Variants in PCLO observed in about 807,000 individuals in gnomAD.
PCLO encodes protein piccolo.
PCLO carries 82 observed loss-of-function variants against 427.5 expected under a neutral mutation model. The observed-to-expected ratio is 0.19, with a 90% CI of 0.16 to 0.23. The LOEUF (loss-of-function observed/expected upper bound fraction) is 0.23. Among genes scored for constraint, PCLO ranks in the 10% least tolerant of loss-of-function variants. PCLO has a pLI of 1.00. For synonymous variants in PCLO, 2,357 were observed against 2,155.4 expected (o/e 1.09, Z -2.59); for missense variants, 6,239 against 6,115.9 (o/e 1.02, Z -0.67).
intron 3 of PCLO, among the ~76,000 whole-genome samples, chr7:82,981,280 G>T (rs1186021834): frequency 6.6e-6 from 1 of 151,448 alleles, no homozygotes; most frequent in Non-Finnish European, 1.5e-5. Context: ...GAATACAGAG[G>T]GTACTTAGGC....
chr7:82,823,232 T>C lies in PCLO; in HGVS notation c.14597-543A>G, dbSNP rs79770789. 2.6e-5 allele frequency among the ~76,000 whole-genome samples: 4 copies of C among 152,232 alleles called. No individual in the cohort carries two copies. In the East Asian group the frequency reaches 7.7e-4, roughly 29 times the overall value. ...ATGGCTAAGTGGAACCCATAAATGA[T>C]CTATAAAACTCATTCATAAATAATC... On this transcript the variant is annotated intron_variant, in intron 19 of 24. Coordinates refer to ENST00000333891, the MANE Select transcript of PCLO (RefSeq NM_033026.6).
At position 82,862,885 on chromosome 7, in the gene PCLO, G is replaced by A. The variant is rs912123503; in HGVS notation, c.13655-15638C>T. On this transcript the variant is annotated intron_variant, in intron 10 of 24. Transcript: ENST00000333891. ...GTAGTAGGGAGTTGGAGGGAAGGTG[G>A]GGATGGTTAAAGGGTACAAAAAATA... Among the ~76,000 whole-genome samples, 4 of 151,914 alleles carry A rather than the reference G, an allele frequency of 2.6e-5. No individual in the cohort carries two copies. The South Asian group carries it at 6.2e-4, about 24-fold the overall frequency.
At chr7:82,934,945 C>G (rs1794916744) in intron 6 of PCLO, among the ~76,000 whole-genome samples, 1 of 151,232 alleles carries the variant, frequency 6.6e-6, no homozygotes, top group Non-Finnish European at 1.5e-5. Context: ...AATAGTATCA[C>G]TCAAAGTTCC....
intron 20 of PCLO, among the ~76,000 whole-genome samples, chr7:82,810,156 T>C (rs1292046546): frequency 6.6e-6 from 1 of 151,600 alleles, no homozygotes; most frequent in African/African-American, 2.4e-5. Context: ...TTTTTTATGT[T>C]ATTGAGGGAA....
rs766623004 is a variant in PCLO at position 83,093,477 on chromosome 7, GATAT to G, written c.3300+40769_3300+40772del. ...AAACATATATATGTGTGTGTGTATA[GATAT>G]ATATATATATATTTTTTTTTTTTTT... On this transcript the variant is annotated intron_variant, in intron 3 of 24. Coordinates refer to ENST00000333891, the MANE Select transcript of PCLO (RefSeq NM_033026.6). Among the ~76,000 whole-genome samples the G allele has an allele frequency of 4.3e-3, 393 of 92,134 alleles. 12 individuals carry two copies. The highest frequency in any genetic ancestry group is 0.018 in the Middle Eastern group (3 of 166). 60.4% of individuals were successfully genotyped at this position (92,134 alleles called of 152,430 possible).
intron 3 of PCLO, among the ~76,000 whole-genome samples, chr7:82,993,643 C>CTT (rs1255396112): frequency 3.3e-5 from 5 of 151,834 alleles, no homozygotes; most frequent in African/African-American, 1.2e-4. Flanking sequence ...TGATTGCACA[C>CTT]TTAATAGACT....
chr7:82,773,042 A>T (rs1269231599), intron 22 of PCLO, among the ~76,000 whole-genome samples: 1 of 152,134 alleles, frequency 6.6e-6, no homozygotes, highest in Non-Finnish European at 1.5e-5. Flanking sequence ...CCTTCCAGAA[A>T]GCAGTCAAGC....
chr7:82,922,771 C>A (rs1430270918), intron 6 of PCLO, among the ~76,000 whole-genome samples: 1 of 151,836 alleles, frequency 6.6e-6, no homozygotes, highest in Admixed American at 6.6e-5. Flanking sequence ...ACTACCTCAT[C>A]TTTTGCTAAA....
chr7:82,854,788 G>T (rs538304031), intron 10 of PCLO, among the ~76,000 whole-genome samples: 1 of 152,152 alleles, frequency 6.6e-6, no homozygotes, highest in Non-Finnish European at 1.5e-5. Flanking sequence ...CATTGATTTG[G>T]GATGTGATCT....
At chr7:83,105,699 C>T (rs1029184166) in intron 3 of PCLO, among the ~76,000 whole-genome samples, 1 of 152,040 alleles carries the variant, frequency 6.6e-6, no homozygotes, top group East Asian at 1.9e-4. Flanking sequence ...AATTGAAGTA[C>T]TAAATAAAAT....
At chr7:83,107,800 C>T (rs901565279) in intron 3 of PCLO, among the ~76,000 whole-genome samples, 6 of 151,016 alleles carry the variant, frequency 4.0e-5, no homozygotes, top group African/African-American at 1.5e-4. Flanking sequence ...ACCATCCTGG[C>T]CAACATGGTG....
In PCLO at chr7:83,154,701, G is replaced by T. The variant is rs6951239; in HGVS notation, c.1893+47C>A. 0.66 allele frequency: 864,686 copies of T among 1,316,906 alleles called. 287,109 individuals are homozygous for T. The highest frequency in any genetic ancestry group is 0.69 in the Middle Eastern group (3,714 of 5,414). 81.6% of individuals were successfully genotyped at this position (1,316,906 alleles called of 1,614,324 possible). The stretch of plus-strand genomic sequence containing the variant: ...TTAGTTAAGCATCATTTGTATAAGA[G>T]GATGATATGGCTGAAGAGTATGGAC... On this transcript the variant is annotated intron_variant, in intron 2 of 24. Coordinates refer to ENST00000333891, the MANE Select transcript of PCLO (RefSeq NM_033026.6).
rs1438784740 is a variant in PCLO at position 82,956,540 on chromosome 7, A to T, written c.4413T>A (p.Ser1471Arg). 2 of 1,611,580 alleles carry T rather than the reference A, an allele frequency of 1.2e-6. No individual in the cohort carries two copies. The highest frequency in any genetic ancestry group is 3.4e-5 in the Admixed American group (2 of 59,618). ...TAAAAGTGTCTTTCCTTTCTTCTTG[A>T]CTCTCTTTGATCTCCTCTTCTGAAA... ...ITISEEEIKE[S>R]QEERKDTFKK... Residue 1471 changes from serine to arginine, a missense_variant, in exon 5 of 25, where the codon AGT (serine) becomes AGA (arginine). Around this residue, in one of 5 missense-constraint regions of PCLO, gnomAD observed 4,677 missense variants for 4,468.4 expected, o/e 1.05. Coordinates refer to ENST00000333891, the MANE Select transcript of PCLO (RefSeq NM_033026.6).
intron 4 of PCLO, among the ~76,000 whole-genome samples, chr7:82,960,585 C>T (rs1350764961): frequency 6.6e-6 from 1 of 152,052 alleles, no homozygotes; most frequent in African/African-American, 2.4e-5. Context: ...AGATAAAATT[C>T]TATAGCAATA....
intron 3 of PCLO, among the ~76,000 whole-genome samples, chr7:82,993,993 A>G (rs562768187): frequency 6.6e-6 from 1 of 152,188 alleles, no homozygotes; most frequent in East Asian, 1.9e-4. Flanking sequence ...AAGGAGATAA[A>G]TAATTGGGAA....
At chr7:83,038,015 ATATATATATATATATT>A (rs1473473920) in intron 3 of PCLO, among the ~76,000 whole-genome samples, 3 of 47,918 alleles carry the variant, frequency 6.3e-5, no homozygotes, top group African/African-American at 2.9e-4. Flanking sequence ...ATATATATAT[ATATATATATATATATT>A]TATATATTTA....
Position 83,012,248 on chromosome 7 carries a change from G to A in PCLO, c.3301-45761C>T, listed in dbSNP as rs540490220. On this transcript the variant is annotated intron_variant, in intron 3 of 24. Coordinates refer to ENST00000333891, the MANE Select transcript of PCLO (RefSeq NM_033026.6). ...CTGCAGAATACGCATCTTTCATCTG[G>A]GGGAAGTTACTACTGAGTTCCTATC... is the stretch of plus-strand genomic sequence containing the variant. Among the ~76,000 whole-genome samples, 242 of 152,148 alleles carry A rather than the reference G, an allele frequency of 1.6e-3. 11 individuals are homozygous for A. The South Asian group carries it at 0.049, about 31-fold the overall frequency.
intron 1 of PCLO, among the ~76,000 whole-genome samples, chr7:83,158,665 T>A (rs1048415829): frequency 2.0e-5 from 3 of 152,048 alleles, no homozygotes; most frequent in African/African-American, 7.2e-5. Flanking sequence ...GTCAAATATT[T>A]GTGATAATCA....
chr7:82,792,588 A>G (rs775889060), intron 22 of PCLO, among the ~76,000 whole-genome samples: 5 of 152,116 alleles, frequency 3.3e-5, no homozygotes, highest in African/African-American at 4.8e-5. Flanking sequence ...CCAGCCTCCC[A>G]AAGTGCTGGG....
Sources: gnomAD v4.1 joint callset for allele counts (sites outside exome capture counted in the v4.1 genomes callset) on GRCh38, gnomAD v4.1.1 for gene constraint, gnomAD v4.1.1 regional missense constraint, MANE v1.5 for transcripts, NCBI Gene and HGNC (gene_info 2026-07-23, HGNC 2026-07-21) for gene names.